The following IMMP2L variants were observed in gnomAD, a reference collection of about 807,000 sequenced individuals.
IMMP2L encodes mitochondrial inner membrane protease subunit 2.
In IMMP2L, 18 loss-of-function variants were observed where a neutral mutation model predicts 19.3. That is an observed-to-expected ratio of 0.93 (90% CI 0.64 to 1.38). IMMP2L has a LOEUF of 1.38. Among genes scored for constraint, IMMP2L ranks in the 40% most tolerant of loss-of-function variants. The pLI, the probability that IMMP2L is intolerant of heterozygous loss-of-function variation, is 0.00. For synonymous variants in IMMP2L, 76 were observed against 73.0 expected (o/e 1.04, Z -0.21); for missense variants, 233 against 218.2 (o/e 1.07, Z -0.43).
intron 3 of IMMP2L, among the ~76,000 whole-genome samples, chr7:111,023,707 TAAAAC>T (rs113751974): frequency 1.3e-5 from 2 of 152,004 alleles, no homozygotes; most frequent in African/African-American, 2.4e-5. Flanking sequence ...AACTCCATCT[TAAAAC>T]AAAACAAAAC....
chr7:111,413,223 A>T lies in IMMP2L; in HGVS notation c.239+74015T>A, dbSNP rs1043364870. On this transcript the variant is annotated intron_variant, in intron 3 of 5. Transcript: ENST00000405709. ...CTCAAAAGTTTAACTCATAATTAAC[A>T]ATCTTCCCAAAAAGAAAATTCCTGG... is the stretch of plus-strand genomic sequence containing the variant. Among the ~76,000 whole-genome samples, 6 of 152,156 alleles carry T rather than the reference A, an allele frequency of 3.9e-5. No individual in the cohort carries two copies. The South Asian group carries it at 1.0e-3, about 26-fold the overall frequency.
chr7:110,868,441 AT>A (rs1019509385), intron 5 of IMMP2L, among the ~76,000 whole-genome samples: 3 of 152,018 alleles, frequency 2.0e-5, no homozygotes, highest in Non-Finnish European at 4.4e-5. Context: ...AGTAGGTTAT[AT>A]TTTTATAATT....
intron 5 of IMMP2L, among the ~76,000 whole-genome samples, chr7:110,738,989 T>A (rs1796822239): frequency 6.6e-6 from 1 of 152,112 alleles, no homozygotes; most frequent in Non-Finnish European, 1.5e-5. Context: ...GGAAAGATAG[T>A]CTTTTCCAGA....
chr7:110,950,871 T>C (rs1308380172), intron 4 of IMMP2L, among the ~76,000 whole-genome samples: 2 of 142,876 alleles, frequency 1.4e-5, no homozygotes, highest in Non-Finnish European at 3.0e-5. Context: ...TATATATATA[T>C]GTATATATAT....
At chr7:111,025,399 A>C (rs1826703500) in intron 3 of IMMP2L, among the ~76,000 whole-genome samples, 1 of 152,214 alleles carries the variant, frequency 6.6e-6, no homozygotes, top group African/African-American at 2.4e-5. Flanking sequence ...AATTATCAGA[A>C]TTAAACAAGC....
chr7:111,536,615 T>G (rs1180491648), intron 1 of IMMP2L, among the ~76,000 whole-genome samples: 1 of 152,138 alleles, frequency 6.6e-6, no homozygotes, highest in Non-Finnish European at 1.5e-5. Context: ...CCTAAAATAT[T>G]GTTTTAAAAT....
chr7:110,817,328 A>G (rs1360753525), intron 5 of IMMP2L, among the ~76,000 whole-genome samples: 5 of 152,134 alleles, frequency 3.3e-5, no homozygotes, highest in African/African-American at 1.2e-4. Flanking sequence ...ACAGACAAAC[A>G]GAGAGCCAAA....
chr7:110,911,233 T>A (rs1002157264), intron 4 of IMMP2L, among the ~76,000 whole-genome samples: 1 of 152,236 alleles, frequency 6.6e-6, no homozygotes, highest in South Asian at 2.1e-4. Context: ...ACCTAAGCTA[T>A]CTTGTATAGT....
chr7:110,920,679 T>C (rs1814172856), intron 4 of IMMP2L, among the ~76,000 whole-genome samples: 2 of 152,206 alleles, frequency 1.3e-5, no homozygotes, highest in Non-Finnish European at 2.9e-5. Flanking sequence ...ATTATCTTTG[T>C]ACATTTTAAG....
At chr7:110,865,771 TTAG>T (rs1223100559) in intron 5 of IMMP2L, among the ~76,000 whole-genome samples, 2 of 152,048 alleles carry the variant, frequency 1.3e-5, no homozygotes, top group African/African-American at 4.8e-5. Flanking sequence ...CTTTTCATTT[TTAG>T]TATTTAACCT....
chr7:110,972,781 G>C (rs976515960), intron 3 of IMMP2L, among the ~76,000 whole-genome samples: 2 of 152,040 alleles, frequency 1.3e-5, no homozygotes, highest in African/African-American at 4.8e-5. Flanking sequence ...AGAAGAGAGA[G>C]TGCTGCCTAT....
intron 3 of IMMP2L, among the ~76,000 whole-genome samples, chr7:111,214,513 T>TG (rs1427806945): frequency 4.2e-5 from 6 of 143,972 alleles, no homozygotes; most frequent in Admixed American, 1.4e-4. Flanking sequence ...TGTTTTTTTT[T>TG]TTTTTTTTTT....
intron 3 of IMMP2L, among the ~76,000 whole-genome samples, chr7:111,385,761 C>T (rs1227603064): frequency 6.6e-6 from 1 of 152,046 alleles, no homozygotes; most frequent in African/African-American, 2.4e-5. Context: ...TGATCCCATA[C>T]CCAGGTCACT....
In IMMP2L at chr7:111,016,715, T is replaced by A. The variant is rs1409479277; in HGVS notation, c.240-53150A>T. 1.2e-3 allele frequency among the ~76,000 whole-genome samples: 115 copies of A among 99,226 alleles called. 1 individual carries two copies. Among genetic ancestry groups the A allele is most frequent in the Non-Finnish European group, 1.3e-3 (72 of 56,878 alleles). The allele number at this position is 99,226 out of a possible 152,430, so 65.1% of individuals were successfully genotyped here. A position where few individuals can be genotyped will look rare whatever the true frequency, so the allele number is the denominator to read the frequency against. ...TTTCTATATTATATATAATTTTATA[T>A]ATATTTATATATAAAATATATATAT... On this transcript the variant is annotated intron_variant, in intron 3 of 5. Transcript: ENST00000405709.
intron 3 of IMMP2L, among the ~76,000 whole-genome samples, chr7:111,205,059 T>A (rs1810551097): frequency 1.3e-5 from 2 of 152,182 alleles, no homozygotes; most frequent in South Asian, 4.1e-4. Context: ...GCATTCAGTG[T>A]CTGGTGAGGG....
chr7:110,687,047 C>T (rs1171448013), intron 5 of IMMP2L, among the ~76,000 whole-genome samples: 1 of 152,090 alleles, frequency 6.6e-6, no homozygotes, highest in East Asian at 1.9e-4. Context: ...AAGTTCCATA[C>T]AAGTTCTTCA....
chr7:111,415,975 T>C lies in IMMP2L; in HGVS notation c.239+71263A>G, dbSNP rs144729364. On this transcript the variant is annotated intron_variant, in intron 3 of 5. Transcript: ENST00000405709. Reference sequence around the variant, plus strand: ...CTAAATTTCTGAAAAGAGATTTGCATAATTTTCCTTAATTGTACACTTTAA... The same window carrying C: ...CTAAATTTCTGAAAAGAGATTTGCACAATTTTCCTTAATTGTACACTTTAA... Among the ~76,000 whole-genome samples the C allele has an allele frequency of 1.2e-4, 19 of 152,020 alleles. No individual in the cohort carries two copies. The East Asian group carries it at 2.7e-3, about 22-fold the overall frequency.
At chr7:111,377,996 A>C (rs1830840309) in intron 3 of IMMP2L, among the ~76,000 whole-genome samples, 1 of 151,986 alleles carries the variant, frequency 6.6e-6, no homozygotes, top group African/African-American at 2.4e-5. Context: ...AATACGGAGA[A>C]TCCATTAAAA....
chr7:111,259,836 T>C (rs1817126847), intron 3 of IMMP2L, among the ~76,000 whole-genome samples: 1 of 152,190 alleles, frequency 6.6e-6, no homozygotes, highest in Non-Finnish European at 1.5e-5. Context: ...TATTTTCTTT[T>C]TTAAAAAATG....
Sources: gnomAD v4.1 joint callset for allele counts (sites outside exome capture counted in the v4.1 genomes callset) on GRCh38, gnomAD v4.1.1 for gene constraint, MANE v1.5 for transcripts, NCBI Gene and HGNC (gene_info 2026-07-23, HGNC 2026-07-21) for gene names.